KCNU1: variants seen among roughly 807,000 people sequenced by gnomAD.
The protein encoded by KCNU1 is potassium channel subfamily U member 1.
KCNU1 carries 93 observed loss-of-function variants against 126.8 expected under a neutral mutation model. The ratio of observed to expected loss-of-function variants is 0.73; its 90% CI spans 0.62 to 0.87. The LOEUF is 0.87. KCNU1 is among the 40% of genes least tolerant of loss of function. The pLI is 0.00. For synonymous variants in KCNU1, 523 were observed against 494.2 expected (o/e 1.06, Z -0.77); for missense variants, 1,330 against 1,367.1 (o/e 0.97, Z 0.43).
In KCNU1 at chr8:36,836,370, A is replaced by G. The variant is rs757430131; in HGVS notation, c.1365+5A>G. 2 of 1,565,080 alleles carry G rather than the reference A, an allele frequency of 1.3e-6. No individual in the cohort carries two copies. The highest frequency in any genetic ancestry group is 1.8e-6 in the Non-Finnish European group (2 of 1,137,436). ...ATACTGCAATCCCATAACAAGGTAT[A>G]GTAACATTCTAGCATATTCCATCTC... On this transcript the variant is annotated splice_donor_5th_base_variant and intron_variant, in intron 13 of 26. Coordinates refer to ENST00000399881, the MANE Select transcript of KCNU1 (RefSeq NM_001031836.3).
chr8:36,922,864 G>A (rs181205055), intron 24 of KCNU1: 3 of 584,620 alleles, frequency 5.1e-6, no homozygotes, highest in Admixed American at 5.0e-5. Flanking sequence ...CAGAACCCCT[G>A]ATGCCAGGAA....
In KCNU1 at chr8:36,828,076, A is replaced by G. The variant is rs530595533; in HGVS notation, c.1107-5478A>G. On this transcript the variant is annotated intron_variant, in intron 10 of 26. Coordinates refer to ENST00000399881, the MANE Select transcript of KCNU1 (RefSeq NM_001031836.3). ...TAATATTATCACAGTCAAAGATTCA[A>G]TATTTTCTATTATATTAAATCACTT... Among the ~76,000 whole-genome samples the G allele has an allele frequency of 2.0e-5, 3 of 152,096 alleles. No homozygotes were observed. In the East Asian group the frequency reaches 5.8e-4, roughly 29 times the overall value.
At chr8:36,815,399 A>G (rs1396868191) in intron 8 of KCNU1, among the ~76,000 whole-genome samples, 197 bp from the exon 9 acceptor site, 2 of 152,198 alleles carry the variant, frequency 1.3e-5, no homozygotes, top group Non-Finnish European at 2.9e-5. Context: ...TTGAATACAG[A>G]AAAGCCTTAT....
intron 24 of KCNU1, among the ~76,000 whole-genome samples, chr8:36,925,675 C>T (rs80244215): frequency 0.021 from 3,190 of 152,178 alleles, 121 homozygotes; most frequent in African/African-American, 0.073. Flanking sequence ...TCCTTTATTC[C>T]GGGGACCATT....
chr8:36,895,817 CAAGT>C (rs1807167379), intron 19 of KCNU1, among the ~76,000 whole-genome samples: 1 of 152,002 alleles, frequency 6.6e-6, no homozygotes, highest in Non-Finnish European at 1.5e-5. Flanking sequence ...ACTTTCATTG[CAAGT>C]GATTAATCTG....
intron 22 of KCNU1, among the ~76,000 whole-genome samples, chr8:36,913,829 C>T (rs1807987361): frequency 6.6e-6 from 1 of 151,944 alleles, no homozygotes; most frequent in Admixed American, 6.6e-5. Context: ...TCTCGATCTC[C>T]TGACCTTGTG....
chr8:36,801,335 G>T (rs1352724886), intron 2 of KCNU1, among the ~76,000 whole-genome samples: 1 of 152,076 alleles, frequency 6.6e-6, no homozygotes, highest in Non-Finnish European at 1.5e-5. Context: ...AGCTCCCAGT[G>T]CCTTCTTTTG....
chr8:36,866,171 A>G (rs1447887975), intron 19 of KCNU1, among the ~76,000 whole-genome samples: 1 of 152,110 alleles, frequency 6.6e-6, no homozygotes, highest in East Asian at 1.9e-4. Flanking sequence ...TTGGGCTGAG[A>G]GTGTAATAAG....
At chr8:36,895,030 TCCTGACTTAC>T (rs572566169) in intron 19 of KCNU1, among the ~76,000 whole-genome samples, 1 of 152,136 alleles carries the variant, frequency 6.6e-6, no homozygotes, top group Admixed American at 6.6e-5. Flanking sequence ...AATCTGAATA[TCCTGACTTAC>T]CCTACTACAC....
intron 10 of KCNU1, among the ~76,000 whole-genome samples, chr8:36,830,292 A>G (rs1158925332): frequency 6.6e-6 from 1 of 151,732 alleles, no homozygotes; most frequent in Non-Finnish European, 1.5e-5. Flanking sequence ...TTTACTTCTC[A>G]TTTTTAAAAG....
chr8:36,801,826 A>T (rs1441336190), intron 2 of KCNU1, among the ~76,000 whole-genome samples: 1 of 152,040 alleles, frequency 6.6e-6, no homozygotes, highest in Non-Finnish European at 1.5e-5. Flanking sequence ...TGGAACTTAC[A>T]GGGCCAAGTG....
At chr8:36,843,122 T>G (rs893758464) in intron 16 of KCNU1, among the ~76,000 whole-genome samples, 1 of 152,198 alleles carries the variant, frequency 6.6e-6, no homozygotes, top group African/African-American at 2.4e-5. Flanking sequence ...GCCCTTAAGA[T>G]CTTTTCCACC....
At chr8:36,792,261 G>T (rs1802931029) in intron 2 of KCNU1, among the ~76,000 whole-genome samples, 1 of 152,112 alleles carries the variant, frequency 6.6e-6, no homozygotes. Context: ...TTATTTAGGT[G>T]TTCAGGCCAC....
At chr8:36,825,373 T>C (rs1804280666) in intron 10 of KCNU1, among the ~76,000 whole-genome samples, 1 of 152,184 alleles carries the variant, frequency 6.6e-6, no homozygotes, top group Non-Finnish European at 1.5e-5. Context: ...ATTCGAGCCT[T>C]TGTCAGGTAC....
At chr8:36,785,804 ATGTT>A (rs1368341228) in intron 1 of KCNU1, among the ~76,000 whole-genome samples, 1 of 152,090 alleles carries the variant, frequency 6.6e-6, no homozygotes, top group East Asian at 1.9e-4. Context: ...CTTCTCCATT[ATGTT>A]CATTTTGTGT....
chr8:36,908,856 A>G (rs1462990648), intron 20 of KCNU1, among the ~76,000 whole-genome samples: 5 of 152,124 alleles, frequency 3.3e-5, no homozygotes, highest in Admixed American at 3.3e-4. Context: ...TAATACTGCA[A>G]TATGTTATAC....
intron 19 of KCNU1, among the ~76,000 whole-genome samples, chr8:36,873,940 T>G (rs1011035990): frequency 6.6e-6 from 1 of 152,182 alleles, no homozygotes; most frequent in African/African-American, 2.4e-5. Context: ...AAAAATCTCT[T>G]GCAACCTGCT....
intron 19 of KCNU1, among the ~76,000 whole-genome samples, chr8:36,904,273 A>C (rs535827376): frequency 6.6e-6 from 1 of 152,312 alleles, no homozygotes; most frequent in Admixed American, 6.5e-5. Flanking sequence ...CAGGGCACTC[A>C]GCTCAAGGTG....
intron 22 of KCNU1, among the ~76,000 whole-genome samples, chr8:36,911,730 T>C (rs1391354559): frequency 6.6e-6 from 1 of 152,204 alleles, no homozygotes; most frequent in African/African-American, 2.4e-5. Context: ...TTTCCCTTTG[T>C]GTTTCTCTCA....
Sources: allele counts gnomAD v4.1 joint callset (sites outside exome capture counted in the v4.1 genomes callset), GRCh38; gene constraint gnomAD v4.1.1; transcripts MANE v1.5; gene names NCBI Gene and HGNC (gene_info 2026-07-23, HGNC 2026-07-21).